CDH11: variants seen among roughly 807,000 people sequenced by gnomAD.
CDH11 encodes cadherin 11, also known as cadherin-11.
Under a neutral mutation model 67.8 loss-of-function variants are expected in CDH11, and 11 were observed. That is an observed-to-expected ratio of 0.16 (90% CI 0.10 to 0.27). The LOEUF (loss-of-function observed/expected upper bound fraction) is 0.27. Ranked by LOEUF, CDH11 falls within the 10% of genes least tolerant of loss-of-function variation. CDH11 has a pLI of 1.00. For missense variants in CDH11, 847 were observed against 1,031.2 expected (o/e 0.82, Z 2.45); for synonymous variants, 419 against 400.0 (o/e 1.05, Z -0.57).
intron 2 of CDH11, among the ~76,000 whole-genome samples, chr16:65,040,158 G>A (rs1567543283): frequency 1.3e-5 from 2 of 152,076 alleles, no homozygotes; most frequent in Non-Finnish European, 1.5e-5. Context: ...AATTTCTCAG[G>A]GATCTAGAAC....
chr16:65,042,680 T>C (rs934590802), intron 2 of CDH11, among the ~76,000 whole-genome samples: 1 of 152,152 alleles, frequency 6.6e-6, no homozygotes, highest in Non-Finnish European at 1.5e-5. Flanking sequence ...AAACCCCCAC[T>C]TCACTCCTCC....
At chr16:65,020,747 T>A (rs970259654) in intron 2 of CDH11, among the ~76,000 whole-genome samples, 1 of 152,230 alleles carries the variant, frequency 6.6e-6, no homozygotes, top group Non-Finnish European at 1.5e-5. Flanking sequence ...TTATTTTTCT[T>A]TAAGTCAGTT....
At chr16:65,000,059 A>C (rs955344493) in intron 3 of CDH11, among the ~76,000 whole-genome samples, 1 of 152,186 alleles carries the variant, frequency 6.6e-6, no homozygotes. Context: ...TGATATGTAT[A>C]CAATTTCTTA....
intron 6 of CDH11, among the ~76,000 whole-genome samples, chr16:64,990,533 G>C (rs772511517): frequency 1.7e-5 from 2 of 119,320 alleles, no homozygotes; most frequent in African/African-American, 2.9e-5. Flanking sequence ...CAGTCATACT[G>C]TCCATTCATA....
chr16:65,097,839 A>C (rs1227011017), intron 1 of CDH11, among the ~76,000 whole-genome samples: 1 of 152,124 alleles, frequency 6.6e-6, no homozygotes, highest in African/African-American at 2.4e-5. Flanking sequence ...TTAAGATAAA[A>C]AATTTTTAAA....
intron 1 of CDH11, among the ~76,000 whole-genome samples, chr16:65,111,898 C>T (rs540149530): frequency 2.2e-4 from 33 of 151,740 alleles, no homozygotes; most frequent in African/African-American, 7.7e-4. Context: ...GGTGAAACCC[C>T]GTCTCTACTA....
At position 64,943,994 on chromosome 16, in the gene CDH11, CGT is replaced by C. The variant is rs1374600879; in HGVS notation, c.*3607_*3608del. 1 of 231,522 alleles carries C rather than the reference CGT, an allele frequency of 4.3e-6. No homozygotes were observed. Among genetic ancestry groups the C allele is most frequent in the African/African-American group, 2.2e-5 (1 of 45,184 alleles). The allele number at this position is 231,522 out of a possible 1,614,324, so 14.3% of individuals were successfully genotyped here. A position where few individuals can be genotyped will look rare whatever the true frequency, so the allele number is the denominator to read the frequency against. On this transcript the variant is annotated 3_prime_UTR_variant, in exon 13 of 13. Transcript: ENST00000268603. ...TGACCTGCTTTCCATGGAAAAGGAA[CGT>C]GTTTTTTTTTGTATCAGGAACCGAA...
intron 12 of CDH11, chr16:64,948,543 T>C (rs2071256647): frequency 7.5e-7 from 1 of 1,331,684 alleles, no homozygotes; most frequent in East Asian, 2.3e-5. Flanking sequence ...TAGGGGGTGA[T>C]GGCTAGCTTC....
chr16:65,107,109 C>A (rs1159986739), intron 1 of CDH11, among the ~76,000 whole-genome samples: 1 of 152,040 alleles, frequency 6.6e-6, no homozygotes, highest in East Asian at 1.9e-4. Flanking sequence ...TCCCGATGAC[C>A]AGTGGTAAGT....
At chr16:65,037,991 T>A (rs770745728) in intron 2 of CDH11, among the ~76,000 whole-genome samples, 34 of 150,132 alleles carry the variant, frequency 2.3e-4, no homozygotes, top group Middle Eastern at 3.5e-3. Flanking sequence ...GTGTTCATTC[T>A]TTTTTTTTCT....
chr16:64,992,394 T>G lies in CDH11; in HGVS notation c.644-459A>C, dbSNP rs147024702. Reference sequence around the variant, plus strand: ...ATACATTAAAGTGTAAATATTAATTTTTAAAAGAGTGAACCAAATCGGTTA... The same window carrying G: ...ATACATTAAAGTGTAAATATTAATTGTTAAAAGAGTGAACCAAATCGGTTA... On this transcript the variant is annotated intron_variant, in intron 5 of 12. Transcript: ENST00000268603. Among the ~76,000 whole-genome samples, 341 of 152,338 alleles carry G rather than the reference T, an allele frequency of 2.2e-3. 3 individuals are homozygous for G. Among genetic ancestry groups the G allele is most frequent in the African/African-American group, 7.5e-3 (313 of 41,572 alleles).
At chr16:65,021,890 A>AAAAAAAG (rs2073434075) in intron 2 of CDH11, among the ~76,000 whole-genome samples, 1 of 150,700 alleles carries the variant, frequency 6.6e-6, no homozygotes, top group African/African-American at 2.4e-5. Context: ...AAAAAAAAAA[A>AAAAAAAG]AAAGAAAGAA....
chr16:65,029,071 A>G (rs973959876), intron 2 of CDH11, among the ~76,000 whole-genome samples: 7 of 152,180 alleles, frequency 4.6e-5, no homozygotes, highest in Admixed American at 2.6e-4. Context: ...TATATCAAGA[A>G]TTTGATCTCA....
rs1464558404 is a variant in CDH11, at chr16:64,946,532, G to A, written c.*1071C>T. On this transcript the variant is annotated 3_prime_UTR_variant, in exon 13 of 13. Transcript: ENST00000268603. ...TCTTTCACATCCTTCTTTTTTAGAAGATGTGTGTGAAGAGAAGCCAGGAGG... is the reference window on the plus strand; with the variant it reads ...TCTTTCACATCCTTCTTTTTTAGAAAATGTGTGTGAAGAGAAGCCAGGAGG... 1 of 1,030,918 alleles carries A rather than the reference G, an allele frequency of 9.7e-7. No homozygotes were observed. The highest frequency in any genetic ancestry group is 6.1e-5 in the East Asian group (1 of 16,366). 63.9% of individuals were successfully genotyped at this position (1,030,918 alleles called of 1,614,324 possible).
intron 2 of CDH11, among the ~76,000 whole-genome samples, chr16:65,025,921 A>T (rs1792696905): frequency 6.6e-6 from 1 of 152,074 alleles, no homozygotes; most frequent in Admixed American, 6.5e-5. Context: ...GAGGAGGGAT[A>T]GCTGATCCCT....
At chr16:65,100,538 A>T (rs1236118309) in intron 1 of CDH11, among the ~76,000 whole-genome samples, 1 of 152,068 alleles carries the variant, frequency 6.6e-6, no homozygotes, top group African/African-American at 2.4e-5. Flanking sequence ...GGAAATCGAG[A>T]CCATCCTGGT....
chr16:65,023,067 A>T (rs2073458614), intron 2 of CDH11, among the ~76,000 whole-genome samples: 1 of 152,182 alleles, frequency 6.6e-6, no homozygotes, highest in Non-Finnish European at 1.5e-5. Context: ...ATGGTCAGTC[A>T]TTGGAAACTA....
At chr16:65,041,864 C>T (rs74026234) in intron 2 of CDH11, among the ~76,000 whole-genome samples, 1,660 of 152,298 alleles carry the variant, frequency 0.011, 30 homozygotes, top group African/African-American at 0.037. Context: ...GCAGGGAAAC[C>T]ATTATGCAGC....
intron 2 of CDH11, among the ~76,000 whole-genome samples, chr16:65,028,234 G>A (rs887858338): frequency 1.1e-4 from 16 of 152,172 alleles, no homozygotes; most frequent in South Asian, 6.2e-4. Context: ...TTGATTGCTC[G>A]GGGCTTTGAA....
Sources: allele counts gnomAD v4.1 joint callset (sites outside exome capture counted in the v4.1 genomes callset), GRCh38; gene constraint gnomAD v4.1.1; transcripts MANE v1.5; gene names NCBI Gene and HGNC (gene_info 2026-07-23, HGNC 2026-07-21).